The following SYNCRIP variants were observed in gnomAD, a reference collection of about 807,000 sequenced individuals.
SYNCRIP encodes the protein synaptotagmin binding cytoplasmic RNA interacting protein.
In SYNCRIP, 9 loss-of-function variants were observed where a neutral mutation model predicts 68.9. The ratio of observed to expected loss-of-function variants is 0.13; its 90% confidence interval spans 0.08 to 0.23. The LOEUF (loss-of-function observed/expected upper bound fraction) is 0.23, where lower values mean the gene tolerates loss of function less well. Ranked by LOEUF, SYNCRIP falls within the 10% of genes least tolerant of loss-of-function variation. SYNCRIP has a pLI of 1.00. For synonymous variants in SYNCRIP, 258 were observed against 254.0 expected (o/e 1.02, Z -0.15); for missense variants, 414 against 770.6 (o/e 0.54, Z 5.48).
rs1805593981 is a variant in SYNCRIP, at chr6:85,614,948, A to G, written c.1680T>C (p.Asn560=). ...VRGARGGRGG[N]VGGKRKADGY... Reference sequence around the variant, plus strand: ...CATCAGCTTTGCGCTTTCCTCCTACATTTCCACCGCGGCCACCCCTCGCAC... The same window carrying G: ...CATCAGCTTTGCGCTTTCCTCCTACGTTTCCACCGCGGCCACCCCTCGCAC... The change falls in exon 11 of 11, where the codon AAT becomes AAC. Residue 560 remains asparagine, a synonymous_variant. Transcript: ENST00000369622. The G allele has an allele frequency of 6.2e-7, 1 of 1,613,636 alleles. No homozygotes were observed. The highest frequency in any genetic ancestry group is 8.5e-7 in the Non-Finnish European group (1 of 1,179,902).
At position 85,618,804 on chromosome 6, in the gene SYNCRIP, C is replaced by A; in HGVS notation, c.1280+14G>T. 1.3e-6 allele frequency: 2 copies of A among 1,575,830 alleles called. No individual in the cohort carries two copies. The highest frequency in any genetic ancestry group is 8.6e-7 in the Non-Finnish European group (1 of 1,158,946). Reference sequence around the variant, plus strand: ...AAAATTTATACAATTTTTAAGTATACAAATTTCACTCACATTTGATTTTTT... The same window carrying A: ...AAAATTTATACAATTTTTAAGTATAAAAATTTCACTCACATTTGATTTTTT... On this transcript the variant is annotated intron_variant, in intron 10 of 10. Transcript: ENST00000369622.
chr6:85,637,372 C>T lies in SYNCRIP; in HGVS notation c.376-16G>A, dbSNP rs754667362. The T allele has an allele frequency of 5.9e-6, 9 of 1,530,406 alleles. No homozygotes were observed. Among genetic ancestry groups the T allele is most frequent in the East Asian group, 2.2e-5 (1 of 44,488 alleles). The allele number at this position is 1,530,406 out of a possible 1,614,324, so 94.8% of individuals were successfully genotyped here. A position where few individuals can be genotyped will look rare whatever the true frequency, so the allele number is the denominator to read the frequency against. ...CCAAGAGTGCCTTGAAAAGTTCAAA[C>T]GTCATTAATACATTTAATTCACTAG... On this transcript the variant is annotated splice_polypyrimidine_tract_variant and intron_variant, in intron 4 of 10. Transcript: ENST00000369622.
Position 85,615,177 on chromosome 6 carries a change from G to A in SYNCRIP, c.1451C>T (p.Pro484Leu), listed in dbSNP as rs868430790. 3 of 1,612,314 alleles carry A rather than the reference G, an allele frequency of 1.9e-6. No individual in the cohort carries two copies. The highest frequency in any genetic ancestry group is 1.1e-5 in the South Asian group (1 of 90,918). ...YHNYRGGYED[P>L]YYGYEDFQVG... ...TTGAAAATCTTCATAACCATAGTAT[G>A]GATCTTCATATCCACCACGATAGTT... is the stretch of plus-strand genomic sequence containing the variant. Residue 484 changes from proline (P) to leucine (L), a missense_variant, in exon 11 of 11, where the codon CCA (proline) becomes CTA (leucine). Around this residue, in one of 6 missense-constraint regions of SYNCRIP, gnomAD observed 72 missense variants for 119.8 expected, o/e 0.60. Transcript: ENST00000369622.
rs1182690526 is a variant in SYNCRIP at position 85,619,261 on chromosome 6, T to C, written c.1158+7A>G. 3 of 1,612,540 alleles carry C rather than the reference T, an allele frequency of 1.9e-6. No homozygotes were observed. Among genetic ancestry groups the C allele is most frequent in the East Asian group, 2.2e-5 (1 of 44,848 alleles). ...GATTTAGATGCCTGTAATTCCACCA[T>C]ATTTACCTTGACAGCACCATCTCGC... On this transcript the variant is annotated splice_region_variant and intron_variant, in intron 9 of 10. Transcript: ENST00000369622.
chr6:85,625,272 C>G (rs1184869802), intron 6 of SYNCRIP, among the ~76,000 whole-genome samples: 2 of 152,178 alleles, frequency 1.3e-5, no homozygotes, highest in South Asian at 2.1e-4. Flanking sequence ...TTCTATTTCT[C>G]TACATTTATG....
At chr6:85,612,699 A>C, downstream of SYNCRIP, 1 of 521,806 alleles carries the variant, frequency 1.9e-6, no homozygotes, top group Non-Finnish European at 3.1e-6. Context: ...AAAATTGTTA[A>C]AGAAATTCAT....
chr6:85,643,293 C>T (rs1038438679), upstream of SYNCRIP: 1 of 152,244 alleles, frequency 6.6e-6, no homozygotes, highest in African/African-American at 2.4e-5. Context: ...CAGTCCCTGC[C>T]GAGTCGGCTC....
rs371134604 is a variant in SYNCRIP at position 85,618,953 on chromosome 6, A to G, written c.1159-14T>C. ...TTCTTCCATAGCCTTAAAAAATTAG[A>G]TAAGTCAATATAAAAATAGGACTTT... On this transcript the variant is annotated splice_polypyrimidine_tract_variant and intron_variant, in intron 9 of 10. Transcript: ENST00000369622. 54 of 1,592,778 alleles carry G rather than the reference A, an allele frequency of 3.4e-5. No homozygotes were observed. Among genetic ancestry groups the G allele is most frequent in the Middle Eastern group, 3.3e-4 (2 of 6,010 alleles).
chr6:85,623,562 CAAAAA>C (rs67258131), intron 7 of SYNCRIP, among the ~76,000 whole-genome samples: 4 of 63,238 alleles, frequency 6.3e-5, no homozygotes, highest in East Asian at 5.8e-4. Context: ...AGACTGTCTC[CAAAAA>C]AAAAAAAAAA....
chr6:85,612,932 G>T, downstream of SYNCRIP: 2 of 1,550,394 alleles, frequency 1.3e-6, no homozygotes, highest in African/African-American at 1.4e-5. Context: ...TGCTAGCCAG[G>T]TAACAAAAGG....
rs1420995882 is a variant in SYNCRIP at position 85,624,089 on chromosome 6, A to G, written c.690T>C (p.Ser230=). The change falls in exon 7 of 11, where the codon TCT becomes TCC. Residue 230 remains serine (S), a synonymous_variant. Coordinates refer to ENST00000369622, the MANE Select transcript of SYNCRIP (RefSeq NM_006372.5). The part of the protein sequence containing the change: ...VKLYNNHEIR[S]GKHIGVCISV... ...AGATGCAGACACCAATATGTTTTCC[A>G]GAACGAATTTCATGATTATTATACT... 1.9e-6 allele frequency: 3 copies of G among 1,613,736 alleles called. No homozygotes were observed. In the African/African-American group the frequency reaches 4.0e-5, roughly 22 times the overall value.
chr6:85,624,350 C>T (rs1806796692), intron 6 of SYNCRIP, among the ~76,000 whole-genome samples: 2 of 152,146 alleles, frequency 1.3e-5, no homozygotes, highest in African/African-American at 2.4e-5. Flanking sequence ...ATCAGATCTG[C>T]AGCAGCTTAA....
At chr6:85,618,427 G>A (rs1481499524) in intron 10 of SYNCRIP, among the ~76,000 whole-genome samples, 2 of 151,638 alleles carry the variant, frequency 1.3e-5, no homozygotes, top group Admixed American at 1.3e-4. Flanking sequence ...CTGTAACCCA[G>A]CTACTCAGAA....
chr6:85,626,157 G>GCTAT (rs1424301826), intron 6 of SYNCRIP, among the ~76,000 whole-genome samples: 1 of 152,234 alleles, frequency 6.6e-6, no homozygotes, highest in Non-Finnish European at 1.5e-5. Flanking sequence ...ATGTAGCAGA[G>GCTAT]CTATGGCTGA....
Position 85,614,883 on chromosome 6 carries a change from T to A in SYNCRIP, c.1745A>T (p.Asn582Ile). The change falls in exon 11 of 11, where the codon AAT becomes ATT. Residue 582 changes from asparagine (N) to isoleucine (I), a missense_variant. Physicochemically the swap from Asn to Ile is moderately radical, Grantham distance 149. Coordinates refer to ENST00000369622, the MANE Select transcript of SYNCRIP (RefSeq NM_006372.5). ...QPDSKRRQTN[N>I]QNWGSQPIAQ... ...AATGGGTTGGGAGCCCCAGTTCTGA[T>A]TATTGGTCTGGCGCCGCTTGGAATC... The A allele has an allele frequency of 1.9e-6, 3 of 1,614,166 alleles. No individual in the cohort carries two copies. Among genetic ancestry groups the A allele is most frequent in the Non-Finnish European group, 2.5e-6 (3 of 1,180,040 alleles).
At chr6:85,638,707 C>T (rs1465028952) in intron 4 of SYNCRIP, among the ~76,000 whole-genome samples, 1 of 152,194 alleles carries the variant, frequency 6.6e-6, no homozygotes, top group Non-Finnish European at 1.5e-5. Flanking sequence ...TTGCTCACAT[C>T]TATAACATAA....
intron 1 of SYNCRIP, among the ~76,000 whole-genome samples, chr6:85,642,278 G>A (rs1402103637): frequency 3.9e-5 from 6 of 151,958 alleles, no homozygotes; most frequent in Non-Finnish European, 8.8e-5. Context: ...GGGCGCCGAC[G>A]ACCCCCGGCC....
chr6:85,627,569 G>T (rs1235978860), intron 6 of SYNCRIP, among the ~76,000 whole-genome samples: 1 of 152,042 alleles, frequency 6.6e-6, no homozygotes, highest in Non-Finnish European at 1.5e-5. Flanking sequence ...GTAACAGTGA[G>T]TTATATGGTG....
Position 85,640,518 on chromosome 6 carries a change from T to C in SYNCRIP, c.195A>G (p.Leu65=), listed in dbSNP as rs201384340. ...ATGCACCGTCTTCATTGAATTCTTTTAAAGCTTCAATAGCTCTTTCATCTA... is the reference window on the plus strand; with the variant it reads ...ATGCACCGTCTTCATTGAATTCTTTCAAAGCTTCAATAGCTCTTTCATCTA... ...SDLDERAIEA[L]KEFNEDGALA... Residue 65 remains leucine, a synonymous_variant, in exon 3 of 11, where the codon TTA becomes TTG. Coordinates refer to ENST00000369622, the MANE Select transcript of SYNCRIP (RefSeq NM_006372.5). 1.6e-5 allele frequency: 25 copies of C among 1,608,186 alleles called. No individual in the cohort carries two copies. The East Asian group carries it at 4.0e-4, about 26-fold the overall frequency.
Sources: gnomAD v4.1 joint callset for allele counts (sites outside exome capture counted in the v4.1 genomes callset) on GRCh38, gnomAD v4.1.1 for gene constraint, gnomAD v4.1.1 regional missense constraint, MANE v1.5 for transcripts, NCBI Gene and HGNC (gene_info 2026-07-23, HGNC 2026-07-21) for gene names.